The following ZFHX3 variants were observed in gnomAD, a reference collection of about 807,000 sequenced individuals.
ZFHX3 encodes the protein zinc finger homeobox protein 3.
A neutral mutation model predicts 279.1 loss-of-function variants in ZFHX3; 42 were observed. That is an observed-to-expected ratio of 0.15 (90% CI 0.12 to 0.19). The LOEUF is 0.19. Among genes scored for constraint, ZFHX3 ranks in the 10% least tolerant of loss-of-function variants. The pLI is 1.00. For synonymous variants in ZFHX3, 2,293 were observed against 1,957.8 expected (o/e 1.17, Z -4.52); for missense variants, 4,981 against 4,754.0 (o/e 1.05, Z -1.40).
intron 1 of ZFHX3, among the ~76,000 whole-genome samples, chr16:73,865,198 CA>C (rs773386308): frequency 6.2e-4 from 94 of 152,300 alleles, no homozygotes; most frequent in Non-Finnish European, 1.1e-3. Flanking sequence ...TGTTGACCCA[CA>C]GATTTGTGAG....
At chr16:73,002,105 G>T (rs1325949213) in intron 1 of ZFHX3, among the ~76,000 whole-genome samples, 1 of 152,108 alleles carries the variant, frequency 6.6e-6, no homozygotes, top group Non-Finnish European at 1.5e-5. Context: ...AGAGAATCCA[G>T]TCTAACTTTC....
At chr16:73,191,393 T>C (rs1234308116) in intron 5 of ZFHX3, among the ~76,000 whole-genome samples, 1 of 152,138 alleles carries the variant, frequency 6.6e-6, no homozygotes, top group African/African-American at 2.4e-5. Flanking sequence ...CCTCAGGCTG[T>C]CTTGCAAAGC....
rs759134581 is a variant in ZFHX3, at chr16:72,797,002, C to A, written c.5680G>T (p.Asp1894Tyr). ...TTGCCCTCTCCCCCCTCGGCGCTGT[C>A]CCTCTCTCTCTGGCTTTCTTTTTCC... is the stretch of plus-strand genomic sequence containing the variant. ...EKEKESQRER[D>Y]SAEGGEGNTG... is the part of the protein sequence containing the mutation. Residue 1894 changes from aspartate to tyrosine, a missense_variant, in exon 9 of 10, where the codon GAC (aspartate) becomes TAC (tyrosine). Transcript: ENST00000268489. 6.2e-7 allele frequency: 1 copy of A among 1,614,054 alleles called. No homozygotes were observed. The highest frequency in any genetic ancestry group is 8.5e-7 in the Non-Finnish European group (1 of 1,180,018).
intron 2 of ZFHX3, among the ~76,000 whole-genome samples, chr16:73,676,862 G>A (rs1288688965): frequency 6.6e-6 from 1 of 151,916 alleles, no homozygotes. Flanking sequence ...CAAGAAGTGG[G>A]CAAAGACAGA....
chr16:72,965,331 G>A (rs988753186), intron 1 of ZFHX3, among the ~76,000 whole-genome samples: 3 of 152,168 alleles, frequency 2.0e-5, no homozygotes, highest in Admixed American at 6.5e-5. Context: ...TCACCCAAAC[G>A]CCCTTTTCTT....
intron 5 of ZFHX3, among the ~76,000 whole-genome samples, chr16:73,223,601 A>C (rs969158699): frequency 3.2e-4 from 49 of 152,288 alleles, no homozygotes; most frequent in Non-Finnish European, 6.3e-4. Context: ...TTTACTGCTG[A>C]TGGGAATGTA....
At chr16:73,160,170 G>T (rs977237262) in intron 5 of ZFHX3, among the ~76,000 whole-genome samples, 1 of 152,176 alleles carries the variant, frequency 6.6e-6, no homozygotes, top group Non-Finnish European at 1.5e-5. Context: ...TAAGAGCATT[G>T]TTCCCTTTCC....
chr16:73,645,942 C>T (rs370201387), intron 2 of ZFHX3, among the ~76,000 whole-genome samples: 55 of 152,214 alleles, frequency 3.6e-4, no homozygotes, highest in African/African-American at 1.3e-3. Context: ...TAAAGCCAAA[C>T]CCTAGGAATT....
At chr16:73,135,240 TC>T (rs937170721) in intron 6 of ZFHX3, among the ~76,000 whole-genome samples, 13 of 152,260 alleles carry the variant, frequency 8.5e-5, no homozygotes, top group African/African-American at 3.1e-4. Context: ...TCTATCCATC[TC>T]CATCTCAGAA....
At chr16:73,511,302 C>T (rs1469817295) in intron 2 of ZFHX3, among the ~76,000 whole-genome samples, 1 of 152,186 alleles carries the variant, frequency 6.6e-6, no homozygotes, top group South Asian at 2.1e-4. Context: ...TCTTTCCCAC[C>T]ATGACCTCAC....
intron 2 of ZFHX3, among the ~76,000 whole-genome samples, chr16:73,479,808 T>G (rs1028640323): frequency 4.6e-5 from 7 of 152,174 alleles, no homozygotes; most frequent in African/African-American, 1.7e-4. Context: ...GGGGTCACAA[T>G]GTGGCAGTTA....
At chr16:73,637,079 T>C (rs2052533403) in intron 2 of ZFHX3, among the ~76,000 whole-genome samples, 1 of 152,038 alleles carries the variant, frequency 6.6e-6, no homozygotes, top group South Asian at 2.1e-4. Flanking sequence ...GAAAAAAATA[T>C]GTAAAAATAT....
At chr16:72,898,032 A>G (rs758391346) in intron 3 of ZFHX3, among the ~76,000 whole-genome samples, 2 of 152,244 alleles carry the variant, frequency 1.3e-5, no homozygotes, top group Non-Finnish European at 2.9e-5. Context: ...TAACGCAACC[A>G]GGAGTGGGGG....
intron 3 of ZFHX3, among the ~76,000 whole-genome samples, chr16:73,451,053 T>G (rs2018274502): frequency 6.6e-6 from 1 of 152,010 alleles, no homozygotes; most frequent in Admixed American, 6.5e-5. Context: ...ACATGGGTCA[T>G]GCTCTGTGTT....
intron 2 of ZFHX3, among the ~76,000 whole-genome samples, chr16:73,496,610 T>G (rs2019146545): frequency 6.6e-6 from 1 of 152,212 alleles, no homozygotes; most frequent in Non-Finnish European, 1.5e-5. Flanking sequence ...TCTTCACCAA[T>G]TAACGAAGGA....
chr16:72,928,672 C>T (rs1169950900), intron 3 of ZFHX3, among the ~76,000 whole-genome samples: 7 of 152,184 alleles, frequency 4.6e-5, no homozygotes, highest in Non-Finnish European at 8.8e-5. Context: ...TTCTGATCCA[C>T]GTAAGATAAA....
At chr16:73,659,279 A>G (rs1263155767) in intron 2 of ZFHX3, among the ~76,000 whole-genome samples, 1 of 152,176 alleles carries the variant, frequency 6.6e-6, no homozygotes, top group African/African-American at 2.4e-5. Flanking sequence ...AAATGTACAT[A>G]CGTGCAAAAA....
chr16:73,264,446 A>G (rs529512348), intron 4 of ZFHX3, among the ~76,000 whole-genome samples: 22 of 152,026 alleles, frequency 1.4e-4, no homozygotes, highest in Admixed American at 2.6e-4. Flanking sequence ...CTGCCCTCAT[A>G]TAGGAGATTC....
intron 5 of ZFHX3, among the ~76,000 whole-genome samples, chr16:73,227,161 G>C (rs1337048112): frequency 6.6e-6 from 1 of 152,084 alleles, no homozygotes; most frequent in Non-Finnish European, 1.5e-5. Context: ...CTCATAATTG[G>C]AGTTAAATGA....
Sources: gnomAD v4.1 joint callset for allele counts (sites outside exome capture counted in the v4.1 genomes callset) on GRCh38, gnomAD v4.1.1 for gene constraint, MANE v1.5 for transcripts, NCBI Gene and HGNC (gene_info 2026-07-23, HGNC 2026-07-21) for gene names.